The following TAX1BP1 variants were observed in gnomAD, a reference collection of about 807,000 sequenced individuals.
TAX1BP1 encodes the protein Tax1 binding protein 1.
A neutral mutation model predicts 97.7 loss-of-function variants in TAX1BP1; 62 were observed. That is an observed-to-expected ratio of 0.63 (90% CI 0.52 to 0.78). The LOEUF (loss-of-function observed/expected upper bound fraction) is 0.78, where lower values mean the gene tolerates loss of function less well. Ranked by LOEUF, TAX1BP1 falls within the 30% of genes least tolerant of loss-of-function variation. The probability of loss-of-function intolerance (pLI) is 0.00; values close to 1 mark genes in which losing one functional copy is unlikely to be tolerated. For missense variants in TAX1BP1, 867 were observed against 916.1 expected (o/e 0.95, Z 0.69); for synonymous variants, 340 against 304.2 (o/e 1.12, Z -1.23).
At chr7:27,774,276 CA>C (rs1788946398) in intron 5 of TAX1BP1, among the ~76,000 whole-genome samples, 1 of 152,044 alleles carries the variant, frequency 6.6e-6, no homozygotes, top group Admixed American at 6.6e-5. Context: ...GCATATACTG[CA>C]AAGAACAACT....
At chr7:27,782,217 T>C (rs1346598290) in intron 5 of TAX1BP1, among the ~76,000 whole-genome samples, 3 of 151,984 alleles carry the variant, frequency 2.0e-5, no homozygotes, top group African/African-American at 7.3e-5. Flanking sequence ...TAAAAACTTT[T>C]TGTTTTCTTT....
Position 27,769,834 on chromosome 7 carries a change from G to C in TAX1BP1, c.612G>C (p.Lys204Asn). 1 of 1,611,564 alleles carries C rather than the reference G, an allele frequency of 6.2e-7. No individual in the cohort carries two copies. The highest frequency in any genetic ancestry group is 1.1e-5 in the South Asian group (1 of 90,710). Residue 204 changes from lysine to asparagine, a missense_variant and splice_region_variant, in exon 5 of 17, where the codon AAG (lysine) becomes AAC (asparagine). This residue lies in a region of TAX1BP1 where 822 missense variants were observed against 851.4 expected (regional missense o/e 0.97). Transcript: ENST00000396319. ...ERCDQLQAEQ[K>N]GLTEVTQSLK... The stretch of plus-strand genomic sequence containing the variant: ...GTGACCAACTGCAAGCAGAACAAAA[G>C]GTTAGTTGTGTCTTATGTAACTGAT...
intron 7 of TAX1BP1, among the ~76,000 whole-genome samples, chr7:27,786,614 C>G (rs1789492367): frequency 6.6e-6 from 1 of 152,064 alleles, no homozygotes; most frequent in African/African-American, 2.4e-5. Context: ...ATTTAATGAG[C>G]TGATGATTAT....
At chr7:27,758,844 A>G (rs1185538775) in intron 3 of TAX1BP1, among the ~76,000 whole-genome samples, 2 of 152,108 alleles carry the variant, frequency 1.3e-5, no homozygotes, top group Non-Finnish European at 2.9e-5. Flanking sequence ...GAGGGTAGAG[A>G]GTTTCAGTTT....
intron 5 of TAX1BP1, among the ~76,000 whole-genome samples, chr7:27,779,014 G>A (rs892878372): frequency 6.6e-6 from 1 of 151,906 alleles, no homozygotes; most frequent in Middle Eastern, 3.2e-3. Context: ...CCTGTCTCCA[G>A]CCCTAGGTAA....
chr7:27,785,249 G>A lies in TAX1BP1; in HGVS notation c.699G>A (p.Gln233=), dbSNP rs1316590860. The A allele has an allele frequency of 6.2e-7, 1 of 1,613,426 alleles. No individual in the cohort carries two copies. The highest frequency in any genetic ancestry group is 8.5e-7 in the Non-Finnish European group (1 of 1,179,640). Residue 233 remains glutamine, a synonymous_variant, in exon 6 of 17, where the codon CAG becomes CAA. Coordinates refer to ENST00000396319, the MANE Select transcript of TAX1BP1 (RefSeq NM_006024.7). ...GTGATGCTACATCCAAAGCCCATCA[G>A]CTTGAGGAAGATATTGTGTCAGTAA... ...RFSDATSKAH[Q]LEEDIVSVTH...
chr7:27,819,197 T>C (rs1369045827), intron 15 of TAX1BP1, among the ~76,000 whole-genome samples: 2 of 152,082 alleles, frequency 1.3e-5, no homozygotes, highest in Non-Finnish European at 2.9e-5. Context: ...TAAGAACTGC[T>C]CCATGATGTT....
At chr7:27,781,639 A>C (rs1267780692) in intron 5 of TAX1BP1, among the ~76,000 whole-genome samples, 1 of 152,194 alleles carries the variant, frequency 6.6e-6, no homozygotes, top group Non-Finnish European at 1.5e-5. Context: ...GTGAATGTGA[A>C]GGCCCAGGGC....
At chr7:27,806,417 T>G (rs1297547383) in intron 13 of TAX1BP1, among the ~76,000 whole-genome samples, 1 of 152,096 alleles carries the variant, frequency 6.6e-6, no homozygotes, top group Non-Finnish European at 1.5e-5. Flanking sequence ...TCTTATCCAT[T>G]TAGAATTTAT....
chr7:27,815,233 A>G (rs78282021), intron 13 of TAX1BP1, among the ~76,000 whole-genome samples: 65 of 152,254 alleles, frequency 4.3e-4, no homozygotes, highest in African/African-American at 1.5e-3. Flanking sequence ...CAGTAGAATC[A>G]TTTAGTTTTT....
intron 15 of TAX1BP1, among the ~76,000 whole-genome samples, chr7:27,817,477 G>T (rs1326776243): frequency 2.0e-5 from 3 of 152,018 alleles, no homozygotes; most frequent in Non-Finnish European, 2.9e-5. Context: ...TTTTAGTGTG[G>T]ACTCTTCATT....
chr7:27,825,780 T>C (rs1359812518), intron 15 of TAX1BP1, among the ~76,000 whole-genome samples: 1 of 152,212 alleles, frequency 6.6e-6, no homozygotes, highest in East Asian at 1.9e-4. Flanking sequence ...GTGTAGGCTG[T>C]TAGCTATTAT....
intron 13 of TAX1BP1, 137 bp from the exon 14 acceptor site, chr7:27,816,208 TCTAA>T (rs1434044570): frequency 1.7e-5 from 11 of 649,292 alleles, no homozygotes; most frequent in East Asian, 6.7e-5. Context: ...AGCCAGCTTT[TCTAA>T]CTGTGTTTCC....
intron 8 of TAX1BP1, among the ~76,000 whole-genome samples, chr7:27,790,821 A>G (rs1789676895): frequency 6.6e-6 from 1 of 152,138 alleles, no homozygotes; most frequent in South Asian, 2.1e-4. Flanking sequence ...TGAATGTGCC[A>G]GTTGCCCTAA....
intron 15 of TAX1BP1, among the ~76,000 whole-genome samples, chr7:27,820,023 C>T (rs1325663149): frequency 6.6e-6 from 1 of 152,130 alleles, no homozygotes; most frequent in East Asian, 1.9e-4. Context: ...CTGCCCCACT[C>T]CAGCCTTACT....
At chr7:27,824,355 G>T (rs1791090192) in intron 15 of TAX1BP1, among the ~76,000 whole-genome samples, 1 of 151,666 alleles carries the variant, frequency 6.6e-6, no homozygotes, top group Admixed American at 6.6e-5. Context: ...TTGAGCCCAG[G>T]AGTTTGAGAC....
intron 15 of TAX1BP1, 106 bp from the exon 16 acceptor site, chr7:27,827,632 C>T: frequency 2.4e-6 from 2 of 850,128 alleles, no homozygotes; most frequent in Non-Finnish European, 3.7e-6. Context: ...AGAAAATTTC[C>T]TGAAGTGTAA....
At chr7:27,812,863 A>G (rs1790611000) in intron 13 of TAX1BP1, among the ~76,000 whole-genome samples, 2 of 152,322 alleles carry the variant, frequency 1.3e-5, no homozygotes, top group Non-Finnish European at 1.5e-5. Context: ...ACTAAGGCCT[A>G]TATGCTAAAT....
intron 3 of TAX1BP1, among the ~76,000 whole-genome samples, chr7:27,758,819 G>A (rs375509838): frequency 3.9e-5 from 6 of 152,088 alleles, no homozygotes; most frequent in Non-Finnish European, 8.8e-5. Context: ...GAGGAATGGG[G>A]AGTTATTGTT....
Sources: gnomAD v4.1 joint callset for allele counts (sites outside exome capture counted in the v4.1 genomes callset) on GRCh38, gnomAD v4.1.1 for gene constraint, gnomAD v4.1.1 regional missense constraint, MANE v1.5 for transcripts, NCBI Gene and HGNC (gene_info 2026-07-23, HGNC 2026-07-21) for gene names.